The following CABCOCO1 variants were observed in gnomAD, a reference collection of about 807,000 sequenced individuals.
CABCOCO1 encodes ciliary associated calcium binding coiled-coil 1, also known as ciliary-associated calcium-binding coiled-coil protein 1.
CABCOCO1 carries 28 observed loss-of-function variants against 35.7 expected under a neutral mutation model. The observed-to-expected ratio is 0.78, with a 90% CI of 0.58 to 1.07. The LOEUF (loss-of-function observed/expected upper bound fraction) is 1.07, where lower values mean the gene tolerates loss of function less well. Among genes scored for constraint, CABCOCO1 ranks in the 50% least tolerant of loss-of-function variants. The pLI is 0.00. For missense variants in CABCOCO1, 326 were observed against 309.2 expected, an observed-to-expected ratio of 1.05 and a Z score of -0.41; for synonymous variants, 95 against 100.1, an observed-to-expected ratio of 0.95 and a Z score of 0.30.
chr10:61,700,604 A>AT (rs1840423320), intron 5 of CABCOCO1, among the ~76,000 whole-genome samples: 1 of 152,002 alleles, frequency 6.6e-6, no homozygotes, highest in African/African-American at 2.4e-5. Flanking sequence ...GATATATCAA[A>AT]TTTTTTATTT....
chr10:61,665,796 A>G (rs1009159247), intron 1 of CABCOCO1, among the ~76,000 whole-genome samples: 4 of 151,286 alleles, frequency 2.6e-5, no homozygotes, highest in African/African-American at 9.7e-5. Context: ...CTGAGGCAGG[A>G]GAATGGCGTG....
rs1842110074 is a variant in CABCOCO1 at position 61,766,313 on chromosome 10, A to G, written c.*300A>G. On this transcript the variant is annotated 3_prime_UTR_variant, in exon 8 of 8. Coordinates refer to ENST00000648843, the MANE Select transcript of CABCOCO1 (RefSeq NM_001366906.2). The stretch of plus-strand genomic sequence containing the variant: ...TGATAGTCCTTTGACGTTTTGACTA[A>G]TAAATCCTATTCATCTTCAAGGAGA... 2 of 185,602 alleles carry G rather than the reference A, an allele frequency of 1.1e-5. No homozygotes were observed. Among genetic ancestry groups the G allele is most frequent in the Admixed American group, 5.7e-5 (1 of 17,648 alleles). 11.5% of individuals were successfully genotyped at this position (185,602 alleles called of 1,614,324 possible).
chr10:61,713,030 C>T (rs187608317), intron 5 of CABCOCO1, among the ~76,000 whole-genome samples: 68 of 152,234 alleles, frequency 4.5e-4, no homozygotes, highest in African/African-American at 1.5e-3. Flanking sequence ...TAGCTTTTTC[C>T]AATTCTGTGA....
rs752612076 is a variant in CABCOCO1, at chr10:61,663,020, G to A, written c.48G>A (p.Thr16=). 4.3e-4 allele frequency: 25 copies of A among 58,822 alleles called. No homozygotes were observed. Among genetic ancestry groups the A allele is most frequent in the African/African-American group, 2.4e-3 (20 of 8,406 alleles). 3.6% of individuals were successfully genotyped at this position (58,822 alleles called of 1,614,324 possible). Reference sequence around the variant, plus strand: ...GGGGGCCGACCCCGGCGGGAACCACGCCCGAATCGGAGGTACACCGCCCCT... The same window carrying A: ...GGGGGCCGACCCCGGCGGGAACCACACCCGAATCGGAGGTACACCGCCCCT... ...TPWGPTPAGT[T]PESERDTEFQ... is the part of the protein sequence containing the mutation. Residue 16 remains threonine (T), a synonymous_variant, in exon 1 of 8, where the codon ACG becomes ACA. Transcript: ENST00000648843.
intron 5 of CABCOCO1, among the ~76,000 whole-genome samples, chr10:61,744,816 G>C (rs973161893): frequency 1.3e-5 from 2 of 152,130 alleles, no homozygotes; most frequent in Admixed American, 1.3e-4. Flanking sequence ...GTCTAAGTAA[G>C]AGAATTAAGT....
At chr10:61,709,531 C>T (rs1840675304) in intron 5 of CABCOCO1, among the ~76,000 whole-genome samples, 1 of 151,932 alleles carries the variant, frequency 6.6e-6, no homozygotes, top group African/African-American at 2.4e-5. Flanking sequence ...CTAGTGCCTT[C>T]ACACAAATTC....
intron 1 of CABCOCO1, among the ~76,000 whole-genome samples, chr10:61,669,044 G>A (rs116817931): frequency 0.058 from 3,891 of 67,570 alleles, 161 homozygotes; most frequent in African/African-American, 0.14. Flanking sequence ...CACCTTCCAA[G>A]TCTAGAATTT....
intron 5 of CABCOCO1, among the ~76,000 whole-genome samples, chr10:61,759,141 C>A (rs1423309365): frequency 6.6e-6 from 1 of 151,778 alleles, no homozygotes; most frequent in Admixed American, 6.6e-5. Context: ...TGGCTTCATC[C>A]CTGGGCCACA....
intron 1 of CABCOCO1, among the ~76,000 whole-genome samples, chr10:61,667,006 T>G (rs909281098): frequency 1.1e-4 from 14 of 122,610 alleles, no homozygotes; most frequent in African/African-American, 4.5e-4. Flanking sequence ...ATATATAAAT[T>G]TCATATAGTA....
chr10:61,697,947 G>A (rs1042137161), intron 5 of CABCOCO1, among the ~76,000 whole-genome samples: 1 of 151,998 alleles, frequency 6.6e-6, no homozygotes, highest in African/African-American at 2.4e-5. Context: ...CATTTATAGA[G>A]TAAAAATCTA....
At chr10:61,741,172 AAAAT>A (rs1480550092) in intron 5 of CABCOCO1, among the ~76,000 whole-genome samples, 1 of 151,822 alleles carries the variant, frequency 6.6e-6, no homozygotes, top group African/African-American at 2.4e-5. Flanking sequence ...TAATAAAATA[AAAAT>A]AAATAAATAA....
intron 5 of CABCOCO1, among the ~76,000 whole-genome samples, chr10:61,752,367 G>A (rs189061085): frequency 3.2e-4 from 46 of 145,740 alleles, no homozygotes; most frequent in South Asian, 4.3e-4. Context: ...TATAAAAAAG[G>A]AAAAAAAAAA....
At chr10:61,742,865 G>A (rs903608992) in intron 5 of CABCOCO1, among the ~76,000 whole-genome samples, 2 of 152,110 alleles carry the variant, frequency 1.3e-5, no homozygotes, top group Admixed American at 1.3e-4. Flanking sequence ...GAAGATAATA[G>A]GTTTCTGTAC....
At chr10:61,750,923 G>C (rs1589154265) in intron 5 of CABCOCO1, among the ~76,000 whole-genome samples, 1 of 152,136 alleles carries the variant, frequency 6.6e-6, no homozygotes, top group Non-Finnish European at 1.5e-5. Flanking sequence ...CCACGTCCTC[G>C]AGTTGTTTCC....
rs1200910226 is a variant in CABCOCO1, at chr10:61,754,940, T to C, written c.553-5119T>C. On this transcript the variant is annotated intron_variant, in intron 5 of 7. Coordinates refer to ENST00000648843, the MANE Select transcript of CABCOCO1 (RefSeq NM_001366906.2). ...CAGAAGCCTGGCAACATTTTGAACC[T>C]TTTCAAAATGTAAATACTGCATATT... Among the ~76,000 whole-genome samples the C allele has an allele frequency of 2.6e-5, 4 of 152,158 alleles. No individual in the cohort carries two copies. The East Asian group carries it at 7.7e-4, about 29-fold the overall frequency.
At chr10:61,729,838 T>A (rs917638518) in intron 5 of CABCOCO1, among the ~76,000 whole-genome samples, 1 of 152,166 alleles carries the variant, frequency 6.6e-6, no homozygotes, top group African/African-American at 2.4e-5. Flanking sequence ...GAGGACATCG[T>A]GCTAAGTGAA....
At chr10:61,690,505 C>A in intron 4 of CABCOCO1, 44 bp from the exon 5 acceptor site, 1 of 1,340,268 alleles carries the variant, frequency 7.5e-7, no homozygotes, top group Non-Finnish European at 1.0e-6. Flanking sequence ...TGTTTTTTTT[C>A]CTGAAATCAA....
At chr10:61,693,937 A>G (rs899389747) in intron 5 of CABCOCO1, among the ~76,000 whole-genome samples, 1 of 152,080 alleles carries the variant, frequency 6.6e-6, no homozygotes, top group African/African-American at 2.4e-5. Flanking sequence ...TAGGTATCTT[A>G]TTTGGATCCT....
At chr10:61,712,453 T>C (rs1170527279) in intron 5 of CABCOCO1, among the ~76,000 whole-genome samples, 1 of 152,244 alleles carries the variant, frequency 6.6e-6, no homozygotes, top group African/African-American at 2.4e-5. Context: ...ATTCTGTAGG[T>C]TGCCTGTTCA....
Sources: allele counts gnomAD v4.1 joint callset (sites outside exome capture counted in the v4.1 genomes callset), GRCh38; gene constraint gnomAD v4.1.1; transcripts MANE v1.5; gene names NCBI Gene and HGNC (gene_info 2026-07-23, HGNC 2026-07-21).